The following CCDC102B variants were observed in gnomAD, a reference collection of about 807,000 sequenced individuals.
The protein encoded by CCDC102B is coiled-coil domain-containing protein 102B.
In CCDC102B, 75 loss-of-function variants were observed where a neutral mutation model predicts 57.4. The observed-to-expected ratio is 1.31, with a 90% confidence interval of 1.08 to 1.58. CCDC102B has a LOEUF of 1.58. Among genes scored for constraint, CCDC102B ranks in the 40% most tolerant of loss-of-function variants. The probability of loss-of-function intolerance (pLI) is 0.00; values close to 1 mark genes in which losing one functional copy is unlikely to be tolerated. For missense variants in CCDC102B, 636 were observed against 582.6 expected, an observed-to-expected ratio of 1.09 and a Z score of -0.94; for synonymous variants, 206 against 201.9, an observed-to-expected ratio of 1.02 and a Z score of -0.17.
At chr18:68,936,571 G>T (rs188289612) in intron 6 of CCDC102B, among the ~76,000 whole-genome samples, 7 of 151,842 alleles carry the variant, frequency 4.6e-5, no homozygotes, top group Admixed American at 3.9e-4. Context: ...TTTTAGAAAC[G>T]GATGATTCCC....
chr18:68,924,503 CCT>C (rs1416122046), intron 6 of CCDC102B, among the ~76,000 whole-genome samples: 1 of 152,064 alleles, frequency 6.6e-6, no homozygotes, highest in Non-Finnish European at 1.5e-5. Context: ...GTCAATTAAA[CCT>C]CTTTCCTTTA....
At chr18:69,008,477 A>T (rs1229209092) in intron 6 of CCDC102B, among the ~76,000 whole-genome samples, 3 of 152,138 alleles carry the variant, frequency 2.0e-5, no homozygotes, top group Non-Finnish European at 2.9e-5. Flanking sequence ...TTAAATATCA[A>T]TGGCTGTGAT....
chr18:69,020,847 T>C (rs781319890), intron 7 of CCDC102B, among the ~76,000 whole-genome samples: 1 of 152,210 alleles, frequency 6.6e-6, no homozygotes, highest in South Asian at 2.1e-4. Flanking sequence ...TCTGTTAACA[T>C]TGTTATGTGC....
intron 1 of CCDC102B, among the ~76,000 whole-genome samples, chr18:68,812,306 G>T (rs1051439763): frequency 2.6e-5 from 4 of 151,934 alleles, no homozygotes; most frequent in Non-Finnish European, 5.9e-5. Context: ...TATAAAAAGT[G>T]ATAAAATTTT....
chr18:68,855,935 T>C (rs570782511), intron 4 of CCDC102B, among the ~76,000 whole-genome samples: 1 of 152,310 alleles, frequency 6.6e-6, no homozygotes, highest in East Asian at 1.9e-4. Flanking sequence ...TTAAATATTA[T>C]TTTTCTTAAG....
chr18:68,870,997 C>T (rs1191633430), intron 4 of CCDC102B, among the ~76,000 whole-genome samples: 2 of 151,998 alleles, frequency 1.3e-5, no homozygotes, highest in African/African-American at 4.8e-5. Context: ...TTTTCCATTC[C>T]ATGCTTATCT....
rs140295762 is a variant in CCDC102B, at chr18:68,736,194, G to T, written c.-67+19600G>T. Among the ~76,000 whole-genome samples, 810 of 152,130 alleles carry T rather than the reference G, an allele frequency of 5.3e-3. 4 individuals carry two copies. Among genetic ancestry groups the T allele is most frequent in the South Asian group, 0.012 (56 of 4,822 alleles). On this transcript the variant is annotated intron_variant, in intron 2 of 3. Coordinates refer to the CCDC102B transcript ENST00000578970. ...ATAACAATTCTAAAGGTTGTTTTAGGATATACACTAATCAAGAGTATAAAA... is the reference window on the plus strand; with the variant it reads ...ATAACAATTCTAAAGGTTGTTTTAGTATATACACTAATCAAGAGTATAAAA...
At chr18:68,767,278 G>A (rs543405750) in intron 2 of CCDC102B, among the ~76,000 whole-genome samples, 15 of 152,294 alleles carry the variant, frequency 9.8e-5, no homozygotes, top group Middle Eastern at 6.8e-3. Flanking sequence ...CCTTTGGGAG[G>A]TAATTAATCT....
At chr18:68,928,999 C>T (rs7242265) in intron 6 of CCDC102B, among the ~76,000 whole-genome samples, 42,337 of 151,690 alleles carry the variant, frequency 0.28, 7,006 homozygotes, top group Non-Finnish European at 0.37. Flanking sequence ...AGAGGCAATG[C>T]AGTCAGTCAG....
chr18:68,788,061 T>TGAA (rs2035278499), intron 2 of CCDC102B, among the ~76,000 whole-genome samples: 1 of 151,538 alleles, frequency 6.6e-6, no homozygotes. Context: ...AGAACATCTT[T>TGAA]ATTTCTGCCT....
At chr18:68,981,753 C>G (rs2050587875) in intron 6 of CCDC102B, among the ~76,000 whole-genome samples, 1 of 151,890 alleles carries the variant, frequency 6.6e-6, no homozygotes, top group African/African-American at 2.4e-5. Context: ...AGCTGTTGCT[C>G]TAGAGTGAGT....
intron 4 of CCDC102B, among the ~76,000 whole-genome samples, chr18:68,863,069 C>G (rs2038828938): frequency 6.6e-6 from 1 of 151,562 alleles, no homozygotes; most frequent in South Asian, 2.1e-4. Context: ...ATTTACTGTT[C>G]AAATTTTCAA....
intron 1 of CCDC102B, among the ~76,000 whole-genome samples, chr18:68,810,996 G>C (rs1237929966): frequency 6.6e-6 from 1 of 152,092 alleles, no homozygotes; most frequent in Non-Finnish European, 1.5e-5. Flanking sequence ...ATGGTTTCCA[G>C]CTTCATCCTT....
In CCDC102B at chr18:68,783,657, T is replaced by C. The variant is rs1190626025; in HGVS notation, c.-66-39709T>C. On this transcript the variant is annotated intron_variant, in intron 2 of 3. Coordinates refer to the CCDC102B transcript ENST00000578970. ...ATTGGGTGATGTAGTTTCCCATGTT[T>C]AGATGTCCCTGTCATCAGTTCCCAT... is the stretch of plus-strand genomic sequence containing the variant. Among the ~76,000 whole-genome samples the C allele has an allele frequency of 4.6e-5, 7 of 152,300 alleles. 1 individual carries two copies. Among genetic ancestry groups the C allele is most frequent in the Admixed American group, 3.9e-4 (6 of 15,298 alleles).
Position 68,922,708 on chromosome 18 carries a change from G to T in CCDC102B, c.1263+25280G>T, listed in dbSNP as rs140403918. ...GTTGCGGTTTCTTCTCTCCCAGGTT[G>T]CTACTCTGTTTTTATAAACCCATTC... is the stretch of plus-strand genomic sequence containing the variant. On this transcript the variant is annotated intron_variant, in intron 6 of 7. Coordinates refer to ENST00000360242, the MANE Select transcript of CCDC102B (RefSeq NM_024781.3). 7.9e-3 allele frequency among the ~76,000 whole-genome samples: 1,198 copies of T among 152,104 alleles called. 9 individuals carry two copies. The highest frequency in any genetic ancestry group is 0.013 in the Non-Finnish European group (860 of 67,972).
At chr18:68,791,622 G>T (rs180722044) in intron 2 of CCDC102B, among the ~76,000 whole-genome samples, 1,109 of 85,790 alleles carry the variant, frequency 0.013, 31 homozygotes, top group Admixed American at 0.099. Context: ...TAGAGTGTGT[G>T]TATGTGTGTG....
chr18:68,715,351 C>G, exon 1 of CCDC102B: 1 of 789,126 alleles, frequency 1.3e-6, no homozygotes, highest in Non-Finnish European at 1.6e-6. Flanking sequence ...GAAAGTTATG[C>G]TGAGGGTGAG....
At chr18:68,897,718 T>C (rs965165012) in intron 6 of CCDC102B, 1 of 1,063,898 alleles carries the variant, frequency 9.4e-7, no homozygotes, top group Non-Finnish European at 1.3e-6. Context: ...TTGTTTCTTA[T>C]TAAAGCTTTG....
intron 4 of CCDC102B, among the ~76,000 whole-genome samples, chr18:68,869,852 T>C (rs1195686214): frequency 6.6e-6 from 1 of 152,198 alleles, no homozygotes; most frequent in Non-Finnish European, 1.5e-5. Flanking sequence ...TTTTATGGTT[T>C]TAGGTTTTAT....
Sources: gnomAD v4.1 joint callset for allele counts (sites outside exome capture counted in the v4.1 genomes callset) on GRCh38, gnomAD v4.1.1 for gene constraint, MANE v1.5 for transcripts, NCBI Gene and HGNC (gene_info 2026-07-23, HGNC 2026-07-21) for gene names.